The following EIPR1 variants were observed in gnomAD, a reference collection of about 807,000 sequenced individuals.
EIPR1 encodes the protein EARP and GARP complex-interacting protein 1.
EIPR1 carries 25 observed loss-of-function variants against 48.1 expected under a neutral mutation model. The observed-to-expected ratio is 0.52, with a 90% CI of 0.38 to 0.73. The LOEUF (loss-of-function observed/expected upper bound fraction) is 0.73, where lower values mean the gene tolerates loss of function less well. EIPR1 is among the 30% of genes least tolerant of loss of function. The pLI is 0.00. For missense variants in EIPR1, 415 were observed against 506.2 expected (o/e 0.82, Z 1.73); for synonymous variants, 204 against 201.9 (o/e 1.01, Z -0.09).
At chr2:3,301,393 A>C (rs1403031859) in intron 3 of EIPR1, 1 of 152,024 alleles carries the variant, frequency 6.6e-6, no homozygotes, top group Non-Finnish European at 1.5e-5. Flanking sequence ...AACACTGAGG[A>C]GTCTCCCAGG....
chr2:3,373,994 G>T (rs1345830526), intron 1 of EIPR1, among the ~76,000 whole-genome samples: 2 of 147,318 alleles, frequency 1.4e-5, no homozygotes, highest in Admixed American at 6.8e-5. Flanking sequence ...CAAGGCTACA[G>T]TAACCAAAAC....
chr2:3,299,678 G>A (rs1028308102), intron 3 of EIPR1, among the ~76,000 whole-genome samples: 1 of 149,266 alleles, frequency 6.7e-6, no homozygotes, highest in Admixed American at 6.7e-5. Flanking sequence ...ATGGCCATAC[G>A]TGTAAGCTAT....
At chr2:3,340,018 C>T (rs1670186997) in intron 2 of EIPR1, among the ~76,000 whole-genome samples, 1 of 152,244 alleles carries the variant, frequency 6.6e-6, no homozygotes, top group African/African-American at 2.4e-5. Flanking sequence ...TGTGAGGCGG[C>T]TGCTCCCCTT....
chr2:3,345,197 A>G (rs1670362491), intron 2 of EIPR1, among the ~76,000 whole-genome samples: 1 of 152,200 alleles, frequency 6.6e-6, no homozygotes, highest in African/African-American at 2.4e-5. Flanking sequence ...TTCTGGTAGC[A>G]GAGAACGGGG....
intron 3 of EIPR1, among the ~76,000 whole-genome samples, chr2:3,325,627 C>T (rs1454426096): frequency 6.6e-6 from 1 of 152,168 alleles, no homozygotes; most frequent in Non-Finnish European, 1.5e-5. Flanking sequence ...GAAAGCATAT[C>T]CTACTGTGAC....
At chr2:3,210,651 G>A (rs1457850611) in intron 5 of EIPR1, among the ~76,000 whole-genome samples, 2 of 91,476 alleles carry the variant, frequency 2.2e-5, no homozygotes, top group South Asian at 3.7e-4. Flanking sequence ...TTTTTTTTGA[G>A]ACGGAGTCTC....
At chr2:3,234,576 G>C (rs887591173) in intron 4 of EIPR1, among the ~76,000 whole-genome samples, 2 of 152,236 alleles carry the variant, frequency 1.3e-5, no homozygotes, top group African/African-American at 4.8e-5. Context: ...GGCCGTGGCG[G>C]TCAACACCCT....
chr2:3,228,615 A>G (rs1323807763), intron 4 of EIPR1, among the ~76,000 whole-genome samples: 3 of 152,138 alleles, frequency 2.0e-5, no homozygotes, highest in Non-Finnish European at 4.4e-5. Context: ...GCGCAGAATG[A>G]TATGGTTTGG....
At chr2:3,255,431 C>T (rs1667124048) in intron 4 of EIPR1, among the ~76,000 whole-genome samples, 1 of 152,216 alleles carries the variant, frequency 6.6e-6, no homozygotes, top group African/African-American at 2.4e-5. Context: ...GATCCACCCA[C>T]CTTGGCCTCC....
intron 4 of EIPR1, among the ~76,000 whole-genome samples, chr2:3,225,117 T>C (rs982175913): frequency 5.3e-5 from 8 of 152,202 alleles, no homozygotes; most frequent in Admixed American, 4.6e-4. Context: ...AAAACAAATT[T>C]GGAAAATACT....
At chr2:3,341,095 C>CAGA (rs1670227227) in intron 2 of EIPR1, among the ~76,000 whole-genome samples, 3 of 22,198 alleles carry the variant, frequency 1.4e-4, no homozygotes, top group African/African-American at 3.9e-4. Flanking sequence ...GATCCTGTCT[C>CAGA]AAAAAAAAAA....
At chr2:3,214,566 T>A in intron 4 of EIPR1, 1 of 206,738 alleles carries the variant, frequency 4.8e-6, no homozygotes, top group Non-Finnish European at 9.8e-6. Context: ...TACCGTGAGC[T>A]GAAAATGCAG....
At chr2:3,206,469 G>A (rs187619147) in intron 5 of EIPR1, among the ~76,000 whole-genome samples, 5 of 152,330 alleles carry the variant, frequency 3.3e-5, no homozygotes, top group African/African-American at 7.2e-5. Context: ...GTGGCCTCCT[G>A]GAAGAGTAGA....
chr2:3,198,044 C>T (rs549253759), intron 5 of EIPR1, among the ~76,000 whole-genome samples: 32 of 152,302 alleles, frequency 2.1e-4, no homozygotes, highest in Non-Finnish European at 3.8e-4. Flanking sequence ...TACCCAGGCT[C>T]GGGGTGAACA....
At chr2:3,317,382 C>T (rs976499246) in intron 3 of EIPR1, among the ~76,000 whole-genome samples, 1 of 150,932 alleles carries the variant, frequency 6.6e-6, no homozygotes, top group Non-Finnish European at 1.5e-5. Flanking sequence ...AGGTGCTGAC[C>T]GAGCTGAGGG....
At chr2:3,305,484 T>TC (rs200635213) in intron 3 of EIPR1, among the ~76,000 whole-genome samples, 122 of 126,824 alleles carry the variant, frequency 9.6e-4, no homozygotes, top group African/African-American at 3.5e-3. Context: ...TCCACTCCCG[T>TC]CAGTTCAGCC....
At chr2:3,213,163 C>T (rs145093560) in intron 5 of EIPR1, among the ~76,000 whole-genome samples, 3,038 of 152,282 alleles carry the variant, frequency 0.02, 36 homozygotes, top group Middle Eastern at 0.034. Context: ...TGGATGCTTG[C>T]GCAATCGCTT....
chr2:3,345,625 GA>G lies in EIPR1; in HGVS notation c.127-7477del, dbSNP rs879730271. On this transcript the variant is annotated intron_variant, in intron 2 of 8. Coordinates refer to ENST00000382125, the MANE Select transcript of EIPR1 (RefSeq NM_003310.5). ...AGGCAATAGAGCGAGACTCTGTCTG[GA>G]AAAAAAAAAAGAAAAAGTAAGAAAA... Among the ~76,000 whole-genome samples the G allele has an allele frequency of 6.5e-4, 92 of 141,640 alleles. No individual in the cohort carries two copies. The East Asian group carries it at 0.012, about 19-fold the overall frequency. 92.9% of individuals were successfully genotyped at this position (141,640 alleles called of 152,430 possible).
chr2:3,264,363 C>G (rs574240394), intron 3 of EIPR1, among the ~76,000 whole-genome samples: 33 of 152,324 alleles, frequency 2.2e-4, no homozygotes, highest in African/African-American at 7.7e-4. Flanking sequence ...GTTTCTTTAT[C>G]CGTTCATCCG....
Sources: gnomAD v4.1 joint callset for allele counts (sites outside exome capture counted in the v4.1 genomes callset) on GRCh38, gnomAD v4.1.1 for gene constraint, MANE v1.5 for transcripts, NCBI Gene and HGNC (gene_info 2026-07-23, HGNC 2026-07-21) for gene names.